SERPINB9: variants seen among roughly 807,000 people sequenced by gnomAD.
The protein encoded by SERPINB9 is serpin family B member 9, also known as serpin B9.
In SERPINB9, 20 loss-of-function variants were observed where a neutral mutation model predicts 27.2. The ratio of observed to expected loss-of-function variants is 0.74; its 90% CI spans 0.52 to 1.07. The LOEUF is 1.07. Ranked by LOEUF, SERPINB9 falls within the 50% of genes least tolerant of loss-of-function variation. SERPINB9 has a pLI of 0.00. For synonymous variants in SERPINB9, 189 were observed against 180.0 expected (o/e 1.05, Z -0.40); for missense variants, 476 against 460.1 (o/e 1.03, Z -0.32).
chr6:2,891,566 C>A lies in SERPINB9; in HGVS notation c.723+267G>T, dbSNP rs1017447500. 1.3e-5 allele frequency among the ~76,000 whole-genome samples: 2 copies of A among 152,160 alleles called. No homozygotes were observed. The highest frequency in any genetic ancestry group is 6.5e-5 in the Admixed American group (1 of 15,284). ...CAGGATTTTTATAAGCTTCCTCCTA[C>A]CTGATTTATTTTAAAAGGCATTTTA... On this transcript the variant is annotated intron_variant, in intron 6 of 6. Transcript: ENST00000380698. This position sits in a 1 kb window ranked among gnomAD's most constrained non-coding sequence, Gnocchi z 4.0.
At position 2,900,400 on chromosome 6, in the gene SERPINB9, G is replaced by A. The variant is rs767517360; in HGVS notation, c.168+44C>T. ...GAGTGTGAAGCTGGTGACAGAACAC[G>A]CAGCCCAGGCCAGTCCCTGCTCCTG... On this transcript the variant is annotated intron_variant, in intron 2 of 6. Transcript: ENST00000380698. The A allele has an allele frequency of 2.1e-5, 33 of 1,597,206 alleles. No individual in the cohort carries two copies. In the East Asian group the frequency reaches 4.7e-4, roughly 23 times the overall value.
intron 1 of SERPINB9, among the ~76,000 whole-genome samples, chr6:2,902,552 CTCTG>C (rs1201671102): frequency 6.6e-6 from 1 of 152,176 alleles, no homozygotes; most frequent in Non-Finnish European, 1.5e-5. Context: ...CGAAGTCTCA[CTCTG>C]TCTGCCAGGC....
chr6:2,896,607 A>G (rs1437274323), intron 2 of SERPINB9, among the ~76,000 whole-genome samples: 1 of 152,250 alleles, frequency 6.6e-6, no homozygotes, highest in Non-Finnish European at 1.5e-5. Context: ...TGTACCCTAT[A>G]GGGACTACAT....
In SERPINB9 at chr6:2,887,388, T is replaced by C. The variant is rs1767634521; in HGVS notation, c.*2775A>G. 6.6e-6 allele frequency: 1 copy of C among 152,124 alleles called. No homozygotes were observed. 9.4% of individuals were successfully genotyped at this position (152,124 alleles called of 1,614,324 possible). A position where few individuals can be genotyped will look rare whatever the true frequency, so the allele number is the denominator to read the frequency against. On this transcript the variant is annotated 3_prime_UTR_variant, in exon 7 of 7. Transcript: ENST00000380698. ...ATAATATCTTTAATAGGCAAAGACA[T>C]ATGTAAAAACGAAGCAGAAAAGTAG...
chr6:2,891,767 T>G lies in SERPINB9; in HGVS notation c.723+66A>C. 1 of 1,510,070 alleles carries G rather than the reference T, an allele frequency of 6.6e-7. No homozygotes were observed. 93.5% of individuals were successfully genotyped at this position (1,510,070 alleles called of 1,614,324 possible). A position where few individuals can be genotyped will look rare whatever the true frequency, so the allele number is the denominator to read the frequency against. On this transcript the variant is annotated intron_variant, in intron 6 of 6. Transcript: ENST00000380698. The surrounding 1 kb of genome is among the most constrained non-coding windows in gnomAD (Gnocchi z 4.0). ...CAACTCAGAAGGTGAATATGAGAGG[T>G]GGAAGTGGCACTCGAGTTCTGCCCG...
chr6:2,892,467 G>A (rs1053659963), intron 5 of SERPINB9, among the ~76,000 whole-genome samples: 6 of 152,100 alleles, frequency 3.9e-5, no homozygotes, highest in African/African-American at 1.2e-4. Flanking sequence ...CTCTCAGAAA[G>A]AGTAACGACC....
chr6:2,902,947 AG>A (rs1243658343), intron 1 of SERPINB9, among the ~76,000 whole-genome samples: 3 of 152,156 alleles, frequency 2.0e-5, no homozygotes, highest in African/African-American at 7.2e-5. Flanking sequence ...GGCTTCGGCC[AG>A]GGAAGGGCAG....
Position 2,890,101 on chromosome 6 carries a change from T to C in SERPINB9, c.*62A>G. The C allele has an allele frequency of 6.5e-7, 1 of 1,527,742 alleles. No homozygotes were observed. The highest frequency in any genetic ancestry group is 1.9e-5 in the Admixed American group (1 of 52,096). The allele number at this position is 1,527,742 out of a possible 1,614,324, so 94.6% of individuals were successfully genotyped here. A position where few individuals can be genotyped will look rare whatever the true frequency, so the allele number is the denominator to read the frequency against. On this transcript the variant is annotated 3_prime_UTR_variant, in exon 7 of 7. Transcript: ENST00000380698. The surrounding 1 kb of genome is among the most constrained non-coding windows in gnomAD (Gnocchi z 6.2). Reference sequence around the variant, plus strand: ...CTTTCTAGGCCCATCCTCTTGGAGCTGTAGTGGGGATCTGGGGACACAGGA... The same window carrying C: ...CTTTCTAGGCCCATCCTCTTGGAGCCGTAGTGGGGATCTGGGGACACAGGA...
At position 2,900,550 on chromosome 6, in the gene SERPINB9, T is replaced by C. The variant is rs770247599; in HGVS notation, c.62A>G (p.Gln21Arg). 1 of 1,614,114 alleles carries C rather than the reference T, an allele frequency of 6.2e-7. No individual in the cohort carries two copies. The highest frequency in any genetic ancestry group is 1.1e-5 in the South Asian group (1 of 91,076). Residue 21 changes from glutamine to arginine, a missense_variant, in exon 2 of 7, where the codon CAA (glutamine) becomes CGA (arginine). By Grantham distance (43) the Gln-to-Arg change is conservative (BLOSUM62 1). Coordinates refer to ENST00000380698, the MANE Select transcript of SERPINB9 (RefSeq NM_004155.6). ...FAIRLLKILC[Q>R]DNPSHNVFCS... The stretch of plus-strand genomic sequence containing the variant: ...GAACACGTTGTGCGAAGGGTTATCT[T>C]GACACAGTATCTTTAAAAGGCGTAT...
chr6:2,899,766 CAT>C, intron 2 of SERPINB9: 8 of 293,330 alleles, frequency 2.7e-5, no homozygotes, highest in South Asian at 2.3e-4. Flanking sequence ...AAAAGACAGT[CAT>C]ATTGAACAAA....
Position 2,899,287 on chromosome 6 carries a change from G to A in SERPINB9, c.168+1157C>T, listed in dbSNP as rs142850594. Among the ~76,000 whole-genome samples, 950 of 152,138 alleles carry A rather than the reference G, an allele frequency of 6.2e-3. 2 individuals carry two copies. The highest frequency in any genetic ancestry group is 0.041 in the Middle Eastern group (12 of 294). ...CCAAAAACCTTTGACAAACAGACAG[G>A]GAAGGCCATGAAGAGAGGGTTCTCA... On this transcript the variant is annotated intron_variant, in intron 2 of 6. Coordinates refer to ENST00000380698, the MANE Select transcript of SERPINB9 (RefSeq NM_004155.6).
chr6:2,891,948 G>C lies in SERPINB9; in HGVS notation c.608C>G (p.Thr203Arg). Reference protein sequence around the residue: ...RPVQMMYQEATFKLAHVGEVR... With the variant: ...RPVQMMYQEARFKLAHVGEVR... ...CTCGCCCACGTGGGCGAGCTTAAAC[G>C]TGGCCTCCTGATACATCATCTGCAC... The change falls in exon 6 of 7, where the codon ACG (threonine) becomes AGG (arginine). Residue 203 changes from threonine (T) to arginine (R), a missense_variant. Coordinates refer to ENST00000380698, the MANE Select transcript of SERPINB9 (RefSeq NM_004155.6). The surrounding 1 kb of genome is among the most constrained non-coding windows in gnomAD (Gnocchi z 4.0). 1.9e-6 allele frequency: 3 copies of C among 1,613,368 alleles called. No homozygotes were observed. The highest frequency in any genetic ancestry group is 1.7e-5 in the Admixed American group (1 of 59,984).
chr6:2,899,852 G>C (rs1768135222), intron 2 of SERPINB9: 3 of 443,392 alleles, frequency 6.8e-6, no homozygotes, highest in African/African-American at 2.0e-5. Flanking sequence ...CATCTCACGT[G>C]TATGTCTCCT....
intron 1 of SERPINB9, among the ~76,000 whole-genome samples, chr6:2,902,357 A>AGGCTCTGCAGGCGAGCGCTGAGCCT (rs562259906): frequency 1.5e-3 from 225 of 152,324 alleles, no homozygotes; most frequent in African/African-American, 5.0e-3. Context: ...CACAGACCGC[A>AGGCTCTGCAGGCGAGCGCTGAGCCT]GGCTCTGCAG....
Position 2,891,978 on chromosome 6 carries a change from C to T in SERPINB9, c.578G>A (p.Arg193Lys). The T allele has an allele frequency of 6.2e-7, 1 of 1,613,670 alleles. No individual in the cohort carries two copies. Among genetic ancestry groups the T allele is most frequent in the Non-Finnish European group, 8.5e-7 (1 of 1,179,936 alleles). Residue 193 changes from arginine (R) to lysine (K), a missense_variant, in exon 6 of 7, where the codon AGG (arginine) becomes AAG (lysine). Physicochemically the swap from Arg to Lys is conservative, Grantham distance 26. Coordinates refer to ENST00000380698, the MANE Select transcript of SERPINB9 (RefSeq NM_004155.6). The surrounding 1 kb of genome is among the most constrained non-coding windows in gnomAD (Gnocchi z 4.0). Reference sequence around the variant, plus strand: ...CTCCTGATACATCATCTGCACTGGCCTTTGCTCCTCCTGGGGGAAGGATTA... The same window carrying T: ...CTCCTGATACATCATCTGCACTGGCTTTTGCTCCTCCTGGGGGAAGGATTA... Reference protein sequence around the residue: ...MPFKINQEEQRPVQMMYQEAT... With the variant: ...MPFKINQEEQKPVQMMYQEAT...
chr6:2,900,690 G>T, intron 1 of SERPINB9, 69 bp from the exon 2 acceptor site: 1 of 1,306,754 alleles, frequency 7.7e-7, no homozygotes, highest in Non-Finnish European at 1.1e-6. Context: ...ACTTACTACA[G>T]GGCAATTTTG....
intron 2 of SERPINB9, among the ~76,000 whole-genome samples, chr6:2,897,536 T>C (rs751681923): frequency 6.6e-6 from 1 of 152,130 alleles, no homozygotes; most frequent in Non-Finnish European, 1.5e-5. Flanking sequence ...AATCAAAATA[T>C]GGGTGATATA....
intron 5 of SERPINB9, 114 bp from the exon 6 acceptor site, chr6:2,892,102 C>T: frequency 6.8e-6 from 1 of 147,798 alleles, no homozygotes; most frequent in East Asian, 2.1e-4. Flanking sequence ...CCCCAGTTAA[C>T]ACTAAAAAAA....
At chr6:2,900,317 C>T (rs1247875075) in intron 2 of SERPINB9, 127 bp downstream of exon 2, 14 of 1,132,130 alleles carry the variant, frequency 1.2e-5, no homozygotes, top group East Asian at 2.4e-5. Context: ...CTCCCTGAAA[C>T]GGCCAGTGCA....
Sources: gnomAD v4.1 joint callset for allele counts (sites outside exome capture counted in the v4.1 genomes callset) on GRCh38, gnomAD v4.1.1 for gene constraint, Gnocchi (gnomAD v3.1) non-coding constraint, MANE v1.5 for transcripts, NCBI Gene and HGNC (gene_info 2026-07-23, HGNC 2026-07-21) for gene names.